The following NELL1 variants were observed in gnomAD, a reference collection of about 807,000 sequenced individuals.
The protein encoded by NELL1 is protein kinase C-binding protein NELL1.
In NELL1, 76 loss-of-function variants were observed where a neutral mutation model predicts 107.4. The observed-to-expected ratio is 0.71, with a 90% CI of 0.59 to 0.86. NELL1 has a LOEUF of 0.86. Among genes scored for constraint, NELL1 ranks in the 40% least tolerant of loss-of-function variants. NELL1 has a pLI of 0.00. For synonymous variants in NELL1, 353 were observed against 341.2 expected (o/e 1.03, Z -0.38); for missense variants, 1,024 against 1,005.5 (o/e 1.02, Z -0.25).
At chr11:21,373,743 C>A (rs1215401106) in intron 15 of NELL1, among the ~76,000 whole-genome samples, 1 of 152,046 alleles carries the variant, frequency 6.6e-6, no homozygotes, top group Non-Finnish European at 1.5e-5. Flanking sequence ...TTTCATAACC[C>A]CCCTTAAGCA....
At chr11:21,005,973 C>T (rs542832498) in intron 12 of NELL1, among the ~76,000 whole-genome samples, 1 of 152,028 alleles carries the variant, frequency 6.6e-6, no homozygotes, top group Non-Finnish European at 1.5e-5. Context: ...GAGCAACTCA[C>T]TTCATCTCCT....
chr11:21,526,230 T>G (rs1855851800), intron 15 of NELL1, among the ~76,000 whole-genome samples: 1 of 152,180 alleles, frequency 6.6e-6, no homozygotes, highest in Non-Finnish European at 1.5e-5. Context: ...AATTAAATCT[T>G]AAAGGTCCAA....
chr11:21,566,084 T>C (rs139132325), intron 17 of NELL1, among the ~76,000 whole-genome samples: 17 of 152,054 alleles, frequency 1.1e-4, no homozygotes, highest in East Asian at 7.8e-4. Flanking sequence ...AATTCTGCCA[T>C]TGCAGTGTGA....
At chr11:21,472,250 C>G (rs1854201139) in intron 15 of NELL1, among the ~76,000 whole-genome samples, 1 of 152,008 alleles carries the variant, frequency 6.6e-6, no homozygotes, top group Non-Finnish European at 1.5e-5. Flanking sequence ...AAATTAAATT[C>G]ATTCTTCTTT....
At chr11:20,687,256 G>A (rs773173686) in intron 2 of NELL1, among the ~76,000 whole-genome samples, 8 of 151,730 alleles carry the variant, frequency 5.3e-5, no homozygotes, top group Non-Finnish European at 1.2e-4. Flanking sequence ...TGAATATTTT[G>A]ATATAGGCAT....
intron 13 of NELL1, among the ~76,000 whole-genome samples, chr11:21,121,454 G>A (rs1347283167): frequency 6.6e-6 from 1 of 152,128 alleles, no homozygotes; most frequent in Non-Finnish European, 1.5e-5. Flanking sequence ...TGACATTGCT[G>A]CTGCATTGCC....
intron 12 of NELL1, among the ~76,000 whole-genome samples, chr11:20,993,693 A>G (rs1256197454): frequency 6.6e-6 from 1 of 152,224 alleles, no homozygotes. Flanking sequence ...AATACTTAAT[A>G]AAATGTAAAT....
At chr11:20,680,236 C>T (rs748990928) in intron 2 of NELL1, among the ~76,000 whole-genome samples, 4 of 152,066 alleles carry the variant, frequency 2.6e-5, no homozygotes, top group Non-Finnish European at 4.4e-5. Flanking sequence ...AGCACCTGGA[C>T]ATTTTTGGGG....
intron 15 of NELL1, among the ~76,000 whole-genome samples, chr11:21,399,541 T>C (rs1332132555): frequency 2.0e-5 from 3 of 151,824 alleles, no homozygotes; most frequent in South Asian, 2.1e-4. Context: ...TAAATAAAAA[T>C]AATAGCCAAA....
chr11:21,172,601 C>T (rs7948260), intron 13 of NELL1, among the ~76,000 whole-genome samples: 4 of 151,256 alleles, frequency 2.6e-5, no homozygotes, highest in Middle Eastern at 3.2e-3. Context: ...CTACCTTCTC[C>T]GAGGGATTAA....
chr11:21,293,553 C>T (rs777655788), intron 14 of NELL1, among the ~76,000 whole-genome samples: 1 of 152,108 alleles, frequency 6.6e-6, no homozygotes, highest in Non-Finnish European at 1.5e-5. Context: ...ACCAGAAATA[C>T]CATTTGACCC....
chr11:21,268,905 T>C (rs1298211972), intron 14 of NELL1, among the ~76,000 whole-genome samples: 1 of 152,064 alleles, frequency 6.6e-6, no homozygotes, highest in Admixed American at 6.6e-5. Flanking sequence ...ATGGATAAAG[T>C]AGACAGAATG....
At chr11:21,400,065 C>A (rs1852064638) in intron 15 of NELL1, among the ~76,000 whole-genome samples, 5 of 151,696 alleles carry the variant, frequency 3.3e-5, no homozygotes, top group Admixed American at 1.3e-4. Context: ...TGATTGTATA[C>A]CACTTTAAAA....
intron 13 of NELL1, among the ~76,000 whole-genome samples, chr11:21,191,772 G>A (rs1013109681): frequency 6.6e-6 from 1 of 151,926 alleles, no homozygotes; most frequent in African/African-American, 2.4e-5. Context: ...AGGAAACTTG[G>A]ATTATGGTTT....
chr11:21,333,643 T>A (rs1461195148), intron 14 of NELL1, among the ~76,000 whole-genome samples: 2 of 152,048 alleles, frequency 1.3e-5, no homozygotes, highest in Non-Finnish European at 2.9e-5. Context: ...TTGTCGTCTA[T>A]ATTCAGCTCC....
At chr11:21,232,502 G>A (rs1423332482) in intron 14 of NELL1, among the ~76,000 whole-genome samples, 1 of 152,106 alleles carries the variant, frequency 6.6e-6, no homozygotes, top group African/African-American at 2.4e-5. Context: ...GAGGAGGTTG[G>A]CAGTTTATGG....
chr11:21,183,623 G>GCCTAT, intron 13 of NELL1, among the ~76,000 whole-genome samples: 1 of 151,896 alleles, frequency 6.6e-6, no homozygotes, highest in East Asian at 1.9e-4. Context: ...CAGAGCTCTG[G>GCCTAT]CCTATAAAAC....
intron 3 of NELL1, among the ~76,000 whole-genome samples, chr11:20,792,013 A>G (rs920444079): frequency 1.1e-4 from 17 of 151,842 alleles, no homozygotes; most frequent in African/African-American, 4.1e-4. Context: ...ATTCGATTTG[A>G]TAGTATATTG....
intron 14 of NELL1, among the ~76,000 whole-genome samples, chr11:21,247,395 C>T (rs924664148): frequency 6.6e-6 from 1 of 152,084 alleles, no homozygotes; most frequent in African/African-American, 2.4e-5. Context: ...TTCTTTATAG[C>T]CTTATTCTAT....
Sources: gnomAD v4.1 joint callset for allele counts (sites outside exome capture counted in the v4.1 genomes callset) on GRCh38, gnomAD v4.1.1 for gene constraint, MANE v1.5 for transcripts, NCBI Gene and HGNC (gene_info 2026-07-23, HGNC 2026-07-21) for gene names.